The following COL24A1 variants were observed in gnomAD, a reference collection of about 807,000 sequenced individuals.
The protein encoded by COL24A1 is collagen alpha-1(XXIV) chain.
COL24A1 carries 224 observed loss-of-function variants against 253.9 expected under a neutral mutation model. That is an observed-to-expected ratio of 0.88 (90% CI 0.79 to 0.99). COL24A1 has a LOEUF of 0.99. Ranked by LOEUF, COL24A1 falls within the 50% of genes least tolerant of loss-of-function variation. COL24A1 has a pLI of 0.00. For synonymous variants in COL24A1, 685 were observed against 673.7 expected, an observed-to-expected ratio of 1.02 and a Z score of -0.26; for missense variants, 2,131 against 2,068.5, an observed-to-expected ratio of 1.03 and a Z score of -0.59.
chr1:86,148,874 A>G (rs1652322578), intron 1 of COL24A1, among the ~76,000 whole-genome samples: 1 of 152,094 alleles, frequency 6.6e-6, no homozygotes, highest in South Asian at 2.1e-4. Flanking sequence ...CAGTAATGGG[A>G]TGGCTGGGTC....
intron 45 of COL24A1, among the ~76,000 whole-genome samples, chr1:85,818,544 GC>G (rs1673279474): frequency 6.6e-6 from 1 of 152,286 alleles, no homozygotes; most frequent in South Asian, 2.1e-4. Flanking sequence ...TGAACTGATA[GC>G]CTAAAATGTG....
chr1:85,890,559 T>C (rs1169292770), intron 31 of COL24A1, among the ~76,000 whole-genome samples: 1 of 152,156 alleles, frequency 6.6e-6, no homozygotes, highest in Non-Finnish European at 1.5e-5. Context: ...GAAATGTCTA[T>C]TCAAGTCCTT....
At chr1:85,956,050 C>A (rs368621225) in intron 24 of COL24A1, among the ~76,000 whole-genome samples, 6 of 152,254 alleles carry the variant, frequency 3.9e-5, no homozygotes, top group African/African-American at 1.4e-4. Flanking sequence ...TGATGATTAC[C>A]TGATGCAGAA....
Position 86,063,747 on chromosome 1 carries a change from G to A in COL24A1, c.1720C>T (p.His574Tyr). The change falls in exon 8 of 60, where the codon CAT (histidine) becomes TAT (tyrosine). Residue 574 changes from histidine (H) to tyrosine (Y), a missense_variant. Physicochemically the swap from His to Tyr is moderately conservative, Grantham distance 83. Transcript: ENST00000370571. ...GMQGDKGLKG[H>Y]PGLPGLPGEQ... Reference sequence around the variant, plus strand: ...CCTGGAAGTCCTGGGAGTCCAGGATGTCCTTTGAGACCCTGTAAAAGAATA... The same window carrying A: ...CCTGGAAGTCCTGGGAGTCCAGGATATCCTTTGAGACCCTGTAAAAGAATA... 1 of 1,552,956 alleles carries A rather than the reference G, an allele frequency of 6.4e-7. No homozygotes were observed. The highest frequency in any genetic ancestry group is 8.7e-7 in the Non-Finnish European group (1 of 1,148,990).
At chr1:85,880,477 T>G (rs1283561177) in intron 32 of COL24A1, among the ~76,000 whole-genome samples, 3 of 152,154 alleles carry the variant, frequency 2.0e-5, no homozygotes, top group Non-Finnish European at 4.4e-5. Flanking sequence ...AAAGACAGTT[T>G]TATTTCTTCT....
At chr1:85,775,636 G>A (rs1322217103) in intron 53 of COL24A1, 38 bp downstream of exon 53, 2 of 1,566,356 alleles carry the variant, frequency 1.3e-6, no homozygotes, top group Non-Finnish European at 8.7e-7. Context: ...ATAGCCTAGT[G>A]TCAGGGTTAC....
intron 10 of COL24A1, among the ~76,000 whole-genome samples, chr1:86,056,944 T>C (rs1244274953): frequency 6.6e-6 from 1 of 151,430 alleles, no homozygotes; most frequent in African/African-American, 2.4e-5. Context: ...CTTTGAAAAA[T>C]ATTTGGCTAT....
chr1:86,000,704 C>A (rs1440675385), intron 19 of COL24A1, among the ~76,000 whole-genome samples: 3 of 152,180 alleles, frequency 2.0e-5, no homozygotes, highest in African/African-American at 7.2e-5. Flanking sequence ...ATGAAGACCA[C>A]CCTGACGGAA....
At chr1:85,755,170 C>G (rs1325102411) in intron 55 of COL24A1, among the ~76,000 whole-genome samples, 2 of 152,082 alleles carry the variant, frequency 1.3e-5, no homozygotes, top group Admixed American at 6.6e-5. Context: ...AAAGAAAAGA[C>G]AGTCAGCCAA....
intron 24 of COL24A1, among the ~76,000 whole-genome samples, chr1:85,945,019 T>TTTTTTTTTGTTTG (rs1689179218): frequency 1.4e-5 from 1 of 73,362 alleles, no homozygotes; most frequent in Non-Finnish European, 2.7e-5. Flanking sequence ...TTTTTTTTTT[T>TTTTTTTTTGTTTG]TTTTTTTTTT....
At chr1:85,744,924 G>T in intron 56 of COL24A1, 90 bp from the exon 57 acceptor site, 1 of 956,462 alleles carries the variant, frequency 1.0e-6, no homozygotes, top group East Asian at 2.5e-5. Flanking sequence ...TCCATTATGT[G>T]TAGTAAGTTG....
chr1:85,897,338 AACC>A (rs1683845481), intron 28 of COL24A1, among the ~76,000 whole-genome samples: 2 of 152,110 alleles, frequency 1.3e-5, no homozygotes, highest in African/African-American at 4.8e-5. Flanking sequence ...CTGTGCAGCA[AACC>A]ACCATGTCAC....
chr1:85,847,473 T>C (rs1677253435), intron 39 of COL24A1, among the ~76,000 whole-genome samples, 192 bp downstream of exon 39: 2 of 152,216 alleles, frequency 1.3e-5, no homozygotes, highest in South Asian at 4.1e-4. Flanking sequence ...TCCTTTTTCA[T>C]GTCCAGAAAC....
intron 24 of COL24A1, among the ~76,000 whole-genome samples, chr1:85,951,222 G>C (rs1217998844): frequency 6.6e-6 from 1 of 152,148 alleles, no homozygotes; most frequent in Non-Finnish European, 1.5e-5. Context: ...TGCTGTAGAA[G>C]AGCTTTCTGT....
At chr1:86,120,752 G>C (rs1330174004) in intron 3 of COL24A1, among the ~76,000 whole-genome samples, 1 of 152,142 alleles carries the variant, frequency 6.6e-6, no homozygotes, top group Non-Finnish European at 1.5e-5. Context: ...CAAGGATCTA[G>C]AACTAGAAAT....
At chr1:85,877,746 G>A (rs1681350293) in intron 32 of COL24A1, among the ~76,000 whole-genome samples, 1 of 152,124 alleles carries the variant, frequency 6.6e-6, no homozygotes, top group Non-Finnish European at 1.5e-5. Flanking sequence ...ATTCTTTAAT[G>A]CACTCATTCA....
At chr1:85,920,115 T>C (rs1253276049) in intron 24 of COL24A1, among the ~76,000 whole-genome samples, 4 of 152,198 alleles carry the variant, frequency 2.6e-5, no homozygotes, top group African/African-American at 7.2e-5. Flanking sequence ...GAGTAAAATA[T>C]ACTAAGGAGT....
chr1:85,892,606 A>G (rs977139015), intron 31 of COL24A1, among the ~76,000 whole-genome samples: 7 of 152,102 alleles, frequency 4.6e-5, no homozygotes, highest in African/African-American at 1.7e-4. Flanking sequence ...TAAAGTATGT[A>G]TTTCATTTAC....
At chr1:85,772,263 T>A (rs929382101) in intron 53 of COL24A1, among the ~76,000 whole-genome samples, 8 of 151,440 alleles carry the variant, frequency 5.3e-5, no homozygotes, top group African/African-American at 1.9e-4. Flanking sequence ...TGAGATACCA[T>A]CTCACACCAG....
Sources: gnomAD v4.1 joint callset for allele counts (sites outside exome capture counted in the v4.1 genomes callset) on GRCh38, gnomAD v4.1.1 for gene constraint, MANE v1.5 for transcripts, NCBI Gene and HGNC (gene_info 2026-07-23, HGNC 2026-07-21) for gene names.